HTR4: variants seen among roughly 807,000 people sequenced by gnomAD.
The protein encoded by HTR4 is 5-hydroxytryptamine receptor 4.
Under a neutral mutation model 36.8 loss-of-function variants are expected in HTR4, and 16 were observed. The ratio of observed to expected loss-of-function variants is 0.43; its 90% CI spans 0.29 to 0.66. HTR4 has a LOEUF of 0.66. Among genes scored for constraint, HTR4 ranks in the 30% least tolerant of loss-of-function variants. The pLI is 0.13. For missense variants in HTR4, 438 were observed against 490.9 expected (o/e 0.89, Z 1.02); for synonymous variants, 189 against 185.1 (o/e 1.02, Z -0.17).
At chr5:148,601,740 G>T (rs1230351289) in intron 2 of HTR4, among the ~76,000 whole-genome samples, 32 of 152,170 alleles carry the variant, frequency 2.1e-4, no homozygotes, top group Admixed American at 2.1e-3. Context: ...GGCGGAGGTT[G>T]CAGTGAACTA....
intron 2 of HTR4, among the ~76,000 whole-genome samples, chr5:148,552,063 A>G (rs1481672870): frequency 1.3e-5 from 2 of 152,156 alleles, no homozygotes; most frequent in African/African-American, 4.8e-5. Context: ...ATTAAGGTGC[A>G]TGCCCTCTCC....
intron 6 of HTR4, among the ~76,000 whole-genome samples, chr5:148,491,425 G>T (rs932503136): frequency 6.6e-6 from 1 of 152,024 alleles, no homozygotes; most frequent in Admixed American, 6.5e-5. Flanking sequence ...CTCTCCTGCT[G>T]TCCTTGGCAG....
chr5:148,613,041 G>A (rs1752506142), intron 2 of HTR4, among the ~76,000 whole-genome samples: 1 of 141,308 alleles, frequency 7.1e-6, no homozygotes, highest in South Asian at 2.4e-4. Context: ...ATAATCAATA[G>A]CTTACCAACC....
intron 5 of HTR4, among the ~76,000 whole-genome samples, chr5:148,513,081 C>G (rs1308062191): frequency 6.6e-6 from 1 of 151,984 alleles, no homozygotes; most frequent in East Asian, 1.9e-4. Context: ...CTCTGACTCC[C>G]AGGCTCTAGC....
At chr5:148,511,026 A>G (rs1487469994) in intron 5 of HTR4, among the ~76,000 whole-genome samples, 1 of 152,166 alleles carries the variant, frequency 6.6e-6, no homozygotes, top group Non-Finnish European at 1.5e-5. Context: ...TCTCTCCTGA[A>G]CCCACTCCAT....
chr5:148,488,989 T>C (rs1438439660), intron 6 of HTR4, among the ~76,000 whole-genome samples: 1 of 151,842 alleles, frequency 6.6e-6, no homozygotes, highest in African/African-American at 2.4e-5. Flanking sequence ...CTTTCATGAC[T>C]TTTTTCCATT....
chr5:148,627,036 C>A (rs899844545), intron 2 of HTR4, among the ~76,000 whole-genome samples: 2 of 152,132 alleles, frequency 1.3e-5, no homozygotes, highest in African/African-American at 2.4e-5. Flanking sequence ...CATGATCTAC[C>A]GGAAATGCTA....
chr5:148,486,709 A>G (rs1366765739), intron 6 of HTR4, among the ~76,000 whole-genome samples: 1 of 152,096 alleles, frequency 6.6e-6, no homozygotes, highest in African/African-American at 2.4e-5. Flanking sequence ...TTAATATTCT[A>G]TTGTTAGTAT....
intron 6 of HTR4, among the ~76,000 whole-genome samples, chr5:148,502,280 T>C (rs944909503): frequency 3.9e-5 from 6 of 152,134 alleles, no homozygotes; most frequent in African/African-American, 1.2e-4. Context: ...ACACAGCCAG[T>C]TACCTCTCAG....
intron 2 of HTR4, among the ~76,000 whole-genome samples, chr5:148,609,327 C>T (rs1752311491): frequency 6.6e-6 from 1 of 152,160 alleles, no homozygotes; most frequent in Non-Finnish European, 1.5e-5. Context: ...TCTTCTCTTC[C>T]TTCAGTCAAC....
At chr5:148,551,532 A>T (rs1014692192) in intron 2 of HTR4, among the ~76,000 whole-genome samples, 1 of 152,242 alleles carries the variant, frequency 6.6e-6, no homozygotes, top group Admixed American at 6.5e-5. Flanking sequence ...TCCCTTTTCA[A>T]TGAAAGCATG....
intron 4 of HTR4, among the ~76,000 whole-genome samples, chr5:148,533,396 T>C (rs1758667156): frequency 6.6e-6 from 1 of 152,218 alleles, no homozygotes. Context: ...GCCACCAGCT[T>C]CTCCCACTGC....
At chr5:148,462,551 G>A (rs1418733159) in intron 5 of HTR4, among the ~76,000 whole-genome samples, 1 of 151,942 alleles carries the variant, frequency 6.6e-6, no homozygotes, top group Non-Finnish European at 1.5e-5. Context: ...GAAAGTACCA[G>A]GCTGAGATGG....
rs1371178819 is a variant in HTR4, at chr5:148,481,615, G to A, written c.*1588C>T. On this transcript the variant is annotated 3_prime_UTR_variant, in exon 7 of 7. Transcript: ENST00000377888. ...CTTATTCCAAAGTTTCTTCCTGTCG[G>A]TTTCAGTTCCAGAACTAAAGTAAAC... The A allele has an allele frequency of 6.6e-7, 1 of 1,509,042 alleles. No individual in the cohort carries two copies. The highest frequency in any genetic ancestry group is 1.3e-5 in the South Asian group (1 of 77,402). 93.5% of individuals were successfully genotyped at this position (1,509,042 alleles called of 1,614,324 possible). A position where few individuals can be genotyped will look rare whatever the true frequency, so the allele number is the denominator to read the frequency against.
intron 2 of HTR4, among the ~76,000 whole-genome samples, chr5:148,608,656 C>A (rs1404075071): frequency 1.3e-5 from 2 of 152,152 alleles, no homozygotes; most frequent in African/African-American, 2.4e-5. Context: ...AGCAGAAAAG[C>A]AGCATAACAA....
At position 148,606,467 on chromosome 5, in the gene HTR4, T is replaced by C. The variant is rs574929899; in HGVS notation, c.26+30522A>G. ...TTGGTTTCAAAAAAAAATGGAGCTA[T>C]GTACATATTTAAATTGTATTTACTA... is the stretch of plus-strand genomic sequence containing the variant. On this transcript the variant is annotated intron_variant, in intron 2 of 6. Coordinates refer to ENST00000377888, the MANE Select transcript of HTR4 (RefSeq NM_000870.7). 1.7e-3 allele frequency among the ~76,000 whole-genome samples: 256 copies of C among 152,294 alleles called. 3 individuals are homozygous for C. The highest frequency in any genetic ancestry group is 5.8e-3 in the African/African-American group (239 of 41,564).
rs191035158 is a variant in HTR4, at chr5:148,607,417, G to A, written c.26+29572C>T. The stretch of plus-strand genomic sequence containing the variant: ...GCAGCAGTGATGCATGCTGTACAGG[G>A]CTCATGAATTGACTGAAGATACTTG... On this transcript the variant is annotated intron_variant, in intron 2 of 6. Transcript: ENST00000377888. 6.0e-3 allele frequency among the ~76,000 whole-genome samples: 913 copies of A among 152,274 alleles called. 9 individuals are homozygous for A. Among genetic ancestry groups the A allele is most frequent in the African/African-American group, 0.021 (866 of 41,542 alleles).
chr5:148,595,052 C>G (rs1483260512), intron 2 of HTR4, among the ~76,000 whole-genome samples: 4 of 151,124 alleles, frequency 2.6e-5, no homozygotes, highest in Admixed American at 6.6e-5. Flanking sequence ...GAAGAAATAA[C>G]CATTGTTATA....
intron 2 of HTR4, among the ~76,000 whole-genome samples, chr5:148,602,386 T>C (rs909674702): frequency 6.6e-6 from 1 of 152,154 alleles, no homozygotes; most frequent in African/African-American, 2.4e-5. Context: ...AAACCATGGG[T>C]CACAGAAGAA....
Sources: gnomAD v4.1 joint callset for allele counts (sites outside exome capture counted in the v4.1 genomes callset) on GRCh38, gnomAD v4.1.1 for gene constraint, MANE v1.5 for transcripts, NCBI Gene and HGNC (gene_info 2026-07-23, HGNC 2026-07-21) for gene names.